Variants in CCSER1 observed in about 807,000 individuals in gnomAD.
CCSER1 encodes serine-rich coiled-coil domain-containing protein 1.
Under a neutral mutation model 82.0 loss-of-function variants are expected in CCSER1, and 41 were observed. The observed-to-expected ratio is 0.50, with a 90% CI of 0.39 to 0.65. The LOEUF is 0.65. Among genes scored for constraint, CCSER1 ranks in the 30% least tolerant of loss-of-function variants. CCSER1 has a pLI of 0.00. For missense variants in CCSER1, 1,119 were observed against 1,064.2 expected (o/e 1.05, Z -0.72); for synonymous variants, 414 against 383.9 (o/e 1.08, Z -0.92).
chr4:91,233,263 T>A (rs1301774158), intron 10 of CCSER1, among the ~76,000 whole-genome samples: 1 of 151,908 alleles, frequency 6.6e-6, no homozygotes, highest in Non-Finnish European at 1.5e-5. Flanking sequence ...CTCTCAGTAG[T>A]CTTTGTTAAA....
intron 10 of CCSER1, among the ~76,000 whole-genome samples, chr4:91,438,805 C>A (rs1272714956): frequency 6.6e-6 from 1 of 152,144 alleles, no homozygotes; most frequent in Admixed American, 6.5e-5. Flanking sequence ...TGGAGCTGAA[C>A]ACCAAGGCTC....
intron 5 of CCSER1, among the ~76,000 whole-genome samples, chr4:90,590,158 C>A (rs375213026): frequency 8.5e-5 from 13 of 152,108 alleles, no homozygotes; most frequent in African/African-American, 3.1e-4. Flanking sequence ...CCTGTAGTCC[C>A]AGCTACTGGA....
intron 7 of CCSER1, among the ~76,000 whole-genome samples, chr4:90,797,587 G>T (rs1756216671): frequency 6.6e-6 from 1 of 152,124 alleles, no homozygotes; most frequent in Non-Finnish European, 1.5e-5. Context: ...CTGTAATTTA[G>T]TTTATTTTTG....
intron 5 of CCSER1, among the ~76,000 whole-genome samples, chr4:90,533,778 T>C (rs1291101057): frequency 6.6e-6 from 1 of 152,244 alleles, no homozygotes; most frequent in East Asian, 1.9e-4. Context: ...TATATCATTG[T>C]ATTTTTATTT....
chr4:91,458,054 GT>G (rs894104992), intron 10 of CCSER1, among the ~76,000 whole-genome samples: 20 of 152,192 alleles, frequency 1.3e-4, no homozygotes, highest in African/African-American at 4.6e-4. Context: ...TGCTTTTGAG[GT>G]CTTTCTCAAG....
intron 9 of CCSER1, among the ~76,000 whole-genome samples, chr4:90,930,635 A>C (rs1019278991): frequency 6.6e-6 from 1 of 151,344 alleles, no homozygotes; most frequent in Non-Finnish European, 1.5e-5. Context: ...AAGGAAAAGA[A>C]AAAAAAAGTC....
intron 10 of CCSER1, among the ~76,000 whole-genome samples, chr4:91,115,408 C>G (rs1006205642): frequency 1.3e-5 from 2 of 151,996 alleles, no homozygotes; most frequent in Admixed American, 1.3e-4. Flanking sequence ...CTCACCGCAA[C>G]CTCCATCTCC....
intron 3 of CCSER1, among the ~76,000 whole-genome samples, chr4:90,343,337 T>C (rs1207429968): frequency 1.3e-5 from 2 of 152,218 alleles, no homozygotes; most frequent in Non-Finnish European, 2.9e-5. Flanking sequence ...CCTAGGTGAT[T>C]GCAGTAGCCT....
Position 91,144,710 on chromosome 4 carries a change from A to G in CCSER1, c.2217+58716A>G, listed in dbSNP as rs145543245. 6.9e-4 allele frequency among the ~76,000 whole-genome samples: 104 copies of G among 149,658 alleles called. 1 individual carries two copies. Among genetic ancestry groups the G allele is most frequent in the Admixed American group, 2.5e-3 (37 of 14,990 alleles). On this transcript the variant is annotated intron_variant, in intron 10 of 10. Transcript: ENST00000509176. ...AGTTTTGGATTTCTGCCTTAATTTC[A>G]TTGTTTTTACAAAGGGCATTCAGAA...
intron 9 of CCSER1, among the ~76,000 whole-genome samples, chr4:91,021,033 AG>A: frequency 6.6e-6 from 1 of 152,304 alleles, no homozygotes; most frequent in East Asian, 1.9e-4. Flanking sequence ...GGTTTTTTAC[AG>A]GTAACTCCCT....
At chr4:91,375,707 A>C (rs2149329815) in intron 10 of CCSER1, among the ~76,000 whole-genome samples, 1 of 152,230 alleles carries the variant, frequency 6.6e-6, no homozygotes, top group East Asian at 1.9e-4. Context: ...ACACCTTTAC[A>C]TTTGTGTTTA....
intron 1 of CCSER1, among the ~76,000 whole-genome samples, chr4:90,169,630 C>T (rs1398412466): frequency 6.6e-5 from 10 of 152,040 alleles, no homozygotes; most frequent in Non-Finnish European, 1.3e-4. Flanking sequence ...TGTGAAACTG[C>T]TATAAACCAT....
At chr4:91,135,653 C>T (rs1052878941) in intron 10 of CCSER1, among the ~76,000 whole-genome samples, 4 of 152,066 alleles carry the variant, frequency 2.6e-5, no homozygotes. Flanking sequence ...GACACCTACA[C>T]ATGCACACAC....
intron 10 of CCSER1, among the ~76,000 whole-genome samples, chr4:91,227,446 GTT>G (rs534584456): frequency 3.3e-5 from 5 of 151,782 alleles, no homozygotes; most frequent in African/African-American, 1.2e-4. Context: ...GTGTGTGTGT[GTT>G]TGTGTGTGTG....
chr4:91,159,479 T>A (rs1731158541), intron 10 of CCSER1, among the ~76,000 whole-genome samples: 1 of 151,950 alleles, frequency 6.6e-6, no homozygotes, highest in South Asian at 2.1e-4. Context: ...GTTAGTAGTA[T>A]ACATGTCCTT....
intron 10 of CCSER1, among the ~76,000 whole-genome samples, chr4:91,502,121 A>C (rs1560720935): frequency 6.6e-6 from 1 of 152,208 alleles, no homozygotes; most frequent in African/African-American, 2.4e-5. Flanking sequence ...AACTCCTTTG[A>C]TGTTTACAGT....
At chr4:90,228,065 C>T (rs1020197707) in intron 1 of CCSER1, among the ~76,000 whole-genome samples, 36 of 152,208 alleles carry the variant, frequency 2.4e-4, no homozygotes, top group Non-Finnish European at 1.2e-4. Flanking sequence ...CGCCATTGCC[C>T]AGGCTTGCTT....
At chr4:90,300,882 A>G (rs1345827438) in intron 1 of CCSER1, among the ~76,000 whole-genome samples, 2 of 152,182 alleles carry the variant, frequency 1.3e-5, no homozygotes, top group South Asian at 2.1e-4. Flanking sequence ...CTGGAGTGCA[A>G]TGGTGCTATT....
At chr4:90,945,343 G>C (rs539328171) in intron 9 of CCSER1, among the ~76,000 whole-genome samples, 3 of 151,942 alleles carry the variant, frequency 2.0e-5, no homozygotes, top group Admixed American at 1.3e-4. Context: ...AACACATTCA[G>C]CTAAATGGAA....
Sources: allele counts gnomAD v4.1 joint callset (sites outside exome capture counted in the v4.1 genomes callset), GRCh38; gene constraint gnomAD v4.1.1; transcripts MANE v1.5; gene names NCBI Gene and HGNC (gene_info 2026-07-23, HGNC 2026-07-21).